The following BBS9 variants were observed in gnomAD, a reference collection of about 807,000 sequenced individuals.
The protein encoded by BBS9 is Bardet-Biedl syndrome 9.
In BBS9, 89 loss-of-function variants were observed where a neutral mutation model predicts 117.7. The observed-to-expected ratio is 0.76, with a 90% confidence interval of 0.64 to 0.90. The LOEUF (loss-of-function observed/expected upper bound fraction) is 0.90, where lower values mean the gene tolerates loss of function less well. Ranked by LOEUF, BBS9 falls within the 40% of genes least tolerant of loss-of-function variation. The pLI, the probability that BBS9 is intolerant of heterozygous loss-of-function variation, is 0.00. For synonymous variants in BBS9, 379 were observed against 370.9 expected (o/e 1.02, Z -0.25); for missense variants, 982 against 1,042.2 (o/e 0.94, Z 0.80).
At chr7:33,394,732 A>G (rs1236690725) in intron 19 of BBS9, among the ~76,000 whole-genome samples, 4 of 152,198 alleles carry the variant, frequency 2.6e-5, no homozygotes, top group Non-Finnish European at 5.9e-5. Context: ...TGCCTTCTCA[A>G]TCAACTGAAT....
At chr7:33,188,214 T>A (rs1200074476) in intron 5 of BBS9, among the ~76,000 whole-genome samples, 1 of 151,954 alleles carries the variant, frequency 6.6e-6, no homozygotes. Context: ...CCTTCATTTT[T>A]ATCCTCTTTA....
chr7:33,283,532 G>C (rs539002289), intron 9 of BBS9, among the ~76,000 whole-genome samples: 67 of 151,816 alleles, frequency 4.4e-4, no homozygotes, highest in Non-Finnish European at 7.8e-4. Context: ...ATTGCTTCTA[G>C]TGTGGCTTTC....
At chr7:33,147,969 A>C (rs1792684572) in intron 2 of BBS9, among the ~76,000 whole-genome samples, 1 of 152,170 alleles carries the variant, frequency 6.6e-6, no homozygotes, top group South Asian at 2.1e-4. Flanking sequence ...ATTATTATAT[A>C]TGGAGATTTT....
At chr7:33,199,965 C>T (rs891973981) in intron 5 of BBS9, among the ~76,000 whole-genome samples, 7 of 151,864 alleles carry the variant, frequency 4.6e-5, no homozygotes, top group African/African-American at 1.7e-4. Flanking sequence ...ATATGAAGGC[C>T]TCACTCTCCC....
chr7:33,383,539 T>A, intron 17 of BBS9, 127 bp from the exon 18 acceptor site: 1 of 828,920 alleles, frequency 1.2e-6, no homozygotes, highest in Non-Finnish European at 1.9e-6. Flanking sequence ...ATAAAGCCAG[T>A]GTAATCATAT....
chr7:33,334,071 T>G (rs953241274), intron 9 of BBS9, among the ~76,000 whole-genome samples: 29 of 152,180 alleles, frequency 1.9e-4, no homozygotes, highest in African/African-American at 6.5e-4. Flanking sequence ...GTAAAAAGTG[T>G]TTTTAGAGAG....
chr7:33,317,014 C>T (rs1003927883), intron 9 of BBS9, among the ~76,000 whole-genome samples: 1 of 152,074 alleles, frequency 6.6e-6, no homozygotes, highest in African/African-American at 2.4e-5. Context: ...TTTTTTAGGT[C>T]TGTGATCCAT....
chr7:33,375,679 C>T (rs1385627568), intron 17 of BBS9, among the ~76,000 whole-genome samples: 1 of 151,080 alleles, frequency 6.6e-6, no homozygotes, highest in Non-Finnish European at 1.5e-5. Context: ...GCACCCTCTG[C>T]CTCCCAGTTC....
At chr7:33,178,393 T>C (rs529078553) in intron 5 of BBS9, among the ~76,000 whole-genome samples, 16 of 152,330 alleles carry the variant, frequency 1.1e-4, no homozygotes, top group African/African-American at 3.8e-4. Flanking sequence ...ACCTTCATTG[T>C]GTCCACTCAG....
chr7:33,349,108 T>A lies in BBS9; in HGVS notation c.1370T>A (p.Leu457Ter), dbSNP rs762511626. Reference protein sequence around the residue: ...QNRVILQKAKLSVYVQPPLEL... With the variant: ...QNRVILQKAK Reference sequence around the variant, plus strand: ...AGAGTGATATTGCAAAAAGCCAAATTATCAGTCTACGTGCAACCACCATTA... The same window carrying A: ...AGAGTGATATTGCAAAAAGCCAAATAATCAGTCTACGTGCAACCACCATTA... The change falls in exon 13 of 23, where the codon TTA becomes TAA. Residue 457 changes from leucine to a stop codon, truncating the protein, a stop_gained. Coordinates refer to ENST00000242067, the MANE Select transcript of BBS9 (RefSeq NM_198428.3). LOFTEE classifies it high-confidence loss of function. The A allele has an allele frequency of 1.2e-6, 2 of 1,613,400 alleles. No individual in the cohort carries two copies. The highest frequency in any genetic ancestry group is 3.3e-5 in the Admixed American group (2 of 60,022).
intron 21 of BBS9, among the ~76,000 whole-genome samples, chr7:33,573,237 A>G (rs1858138770): frequency 6.6e-6 from 1 of 152,000 alleles, no homozygotes; most frequent in Admixed American, 6.6e-5. Context: ...AGTATAGGAT[A>G]TTATTAAGAA....
rs527370680 is a variant in BBS9, at chr7:33,424,760, GA to G, written c.2115+36617del. Among the ~76,000 whole-genome samples, 927 of 151,984 alleles carry G rather than the reference GA, an allele frequency of 6.1e-3. 11 individuals carry two copies. Among genetic ancestry groups the G allele is most frequent in the African/African-American group, 0.022 (892 of 41,430 alleles). On this transcript the variant is annotated intron_variant, in intron 19 of 22. Coordinates refer to ENST00000242067, the MANE Select transcript of BBS9 (RefSeq NM_198428.3). ...TATACTGATGGCCGTATAATTATAA[GA>G]TTTTTTTTAATGGAAATGGAAATGT...
chr7:33,223,303 G>A (rs1790622775), intron 5 of BBS9, among the ~76,000 whole-genome samples: 1 of 150,214 alleles, frequency 6.7e-6, no homozygotes. Context: ...ACTCTTTAGT[G>A]ATGAGTACAT....
chr7:33,198,572 CT>C (rs1562782454), intron 5 of BBS9, among the ~76,000 whole-genome samples: 1 of 151,834 alleles, frequency 6.6e-6, no homozygotes, highest in African/African-American at 2.4e-5. Context: ...AAGAAACTAG[CT>C]TTTTTTCCTC....
chr7:33,144,628 T>G (rs2128090360), intron 1 of BBS9, among the ~76,000 whole-genome samples: 1 of 152,320 alleles, frequency 6.6e-6, no homozygotes, highest in Non-Finnish European at 1.5e-5. Flanking sequence ...GGGGATGTGG[T>G]GTTTTCACTG....
chr7:33,493,135 C>T (rs1844246642), intron 19 of BBS9, among the ~76,000 whole-genome samples: 1 of 152,064 alleles, frequency 6.6e-6, no homozygotes, highest in Non-Finnish European at 1.5e-5. Context: ...GCTGAGATTA[C>T]AGGCATGAGC....
In BBS9 at chr7:33,482,406, G is replaced by A. The variant is rs555569885; in HGVS notation, c.2116-23057G>A. 2.0e-5 allele frequency among the ~76,000 whole-genome samples: 3 copies of A among 152,218 alleles called. No homozygotes were observed. The East Asian group carries it at 5.8e-4, about 29-fold the overall frequency. On this transcript the variant is annotated intron_variant, in intron 19 of 22. Coordinates refer to ENST00000242067, the MANE Select transcript of BBS9 (RefSeq NM_198428.3). ...ATTTTTTAATCTGAATTTAAAAAAG[G>A]CTTTGTTTCCAAAGTCTGTCATGGC...
intron 19 of BBS9, among the ~76,000 whole-genome samples, chr7:33,430,139 GA>G (rs1834224614): frequency 6.6e-6 from 1 of 152,226 alleles, no homozygotes; most frequent in South Asian, 2.1e-4. Flanking sequence ...GACTAACACA[GA>G]TGTGTAGCAA....
chr7:33,315,007 G>T (rs1810173614), intron 9 of BBS9, among the ~76,000 whole-genome samples: 1 of 152,166 alleles, frequency 6.6e-6, no homozygotes, highest in Admixed American at 6.5e-5. Flanking sequence ...TTACAACAAT[G>T]ATTTATTTAG....
Sources: allele counts gnomAD v4.1 joint callset (sites outside exome capture counted in the v4.1 genomes callset), GRCh38; gene constraint gnomAD v4.1.1; transcripts MANE v1.5; gene names NCBI Gene and HGNC (gene_info 2026-07-23, HGNC 2026-07-21).